Variants in EFCAB13 observed in about 807,000 individuals in gnomAD.
EFCAB13 encodes the protein EF-hand calcium binding domain 13.
A neutral mutation model predicts 110.2 loss-of-function variants in EFCAB13; 91 were observed. The observed-to-expected ratio is 0.83, with a 90% CI of 0.70 to 0.98. EFCAB13 has a LOEUF of 0.98. Among genes scored for constraint, EFCAB13 ranks in the 50% least tolerant of loss-of-function variants. The pLI is 0.00. For synonymous variants in EFCAB13, 323 were observed against 369.9 expected (o/e 0.87, Z 1.45); for missense variants, 968 against 1,119.4 (o/e 0.86, Z 1.93).
At chr17:47,341,117 G>A (rs2065382077) in intron 5 of EFCAB13, among the ~76,000 whole-genome samples, 1 of 151,994 alleles carries the variant, frequency 6.6e-6, no homozygotes, top group South Asian at 2.1e-4. Context: ...AATCCTGACT[G>A]TGGAAAATCT....
chr17:47,361,240 G>A (rs949282752), intron 9 of EFCAB13, 138 bp from the exon 10 acceptor site: 15 of 698,512 alleles, frequency 2.1e-5, no homozygotes, highest in Admixed American at 5.6e-5. Flanking sequence ...TATATCAGTG[G>A]TTTGCTTGTA....
chr17:47,403,875 T>G lies in EFCAB13; in HGVS notation c.2018-3T>G. 1 of 1,587,648 alleles carries G rather than the reference T, an allele frequency of 6.3e-7. No individual in the cohort carries two copies. The highest frequency in any genetic ancestry group is 8.5e-7 in the Non-Finnish European group (1 of 1,171,494). On this transcript the variant is annotated splice_region_variant and splice_polypyrimidine_tract_variant and intron_variant, in intron 18 of 24. Transcript: ENST00000331493. ...TATTAATTAACTTTTTTTCTATTTA[T>G]AGAGTTACAGGAAGTTGTCTTAGCT...
chr17:47,391,509 G>A lies in EFCAB13; in HGVS notation c.1655G>A (p.Cys552Tyr). ...GTGGATTATGAGGATCTAAATACTT[G>A]TCTTCAAAATTTTGGTATTTACCTT... ...KNVDYEDLNT[C>Y]LQNFGIYLSK... Residue 552 changes from cysteine to tyrosine, a missense_variant, in exon 15 of 25, where the codon TGT (cysteine) becomes TAT (tyrosine). Physicochemically the swap from Cys to Tyr is radical, Grantham distance 194. Transcript: ENST00000331493. 1.3e-6 allele frequency: 2 copies of A among 1,594,522 alleles called. No individual in the cohort carries two copies. The highest frequency in any genetic ancestry group is 8.5e-7 in the Non-Finnish European group (1 of 1,172,764).
chr17:47,368,310 A>T lies in EFCAB13; in HGVS notation c.806-2127A>T, dbSNP rs371806120. Among the ~76,000 whole-genome samples, 57 of 152,288 alleles carry T rather than the reference A, an allele frequency of 3.7e-4. 1 individual carries two copies. In the East Asian group the frequency reaches 6.6e-3, roughly 18 times the overall value. On this transcript the variant is annotated intron_variant, in intron 10 of 24. Transcript: ENST00000331493. ...GGCATATTGTGGAGGATATGGAGCA[A>T]AGAGGCATTTGGAACATTCGTGTCT...
intron 11 of EFCAB13, among the ~76,000 whole-genome samples, 168 bp downstream of exon 11, chr17:47,370,676 G>A (rs576962184): frequency 4.6e-5 from 7 of 151,116 alleles, no homozygotes; most frequent in African/African-American, 1.7e-4. Context: ...CTATTTACAT[G>A]TCCTCTTTTT....
Position 47,391,559 on chromosome 17 carries a change from A to G in EFCAB13, c.1705A>G (p.Thr569Ala), listed in dbSNP as rs1462940166. ...TTCTAAGCCAGAATTTAAGAAGATC[A>G]CAGAACTGACTGAAGCTGGTGGTGA... ...YLSKPEFKKI[T>A]ELTEAGETKK... is the part of the protein sequence containing the mutation. Residue 569 changes from threonine (T) to alanine (A), a missense_variant, in exon 15 of 25, where the codon ACA becomes GCA. Transcript: ENST00000331493. The G allele has an allele frequency of 6.3e-7, 1 of 1,583,952 alleles. No homozygotes were observed. Among genetic ancestry groups the G allele is most frequent in the East Asian group, 2.3e-5 (1 of 42,630 alleles).
chr17:47,334,457 TG>T (rs1337858168), intron 4 of EFCAB13, among the ~76,000 whole-genome samples: 10 of 152,368 alleles, frequency 6.6e-5, no homozygotes, highest in Admixed American at 3.3e-4. Context: ...AAGCTTTAAA[TG>T]AAGTTTAACT....
chr17:47,415,921 T>C (rs1306082431), intron 23 of EFCAB13, among the ~76,000 whole-genome samples: 1 of 152,034 alleles, frequency 6.6e-6, no homozygotes, highest in African/African-American at 2.4e-5. Flanking sequence ...GGGAGACCAT[T>C]TCAACACCAA....
intron 6 of EFCAB13, 70 bp from the exon 7 acceptor site, chr17:47,344,092 T>C (rs2065401182): frequency 5.3e-6 from 8 of 1,495,818 alleles, no homozygotes; most frequent in Non-Finnish European, 7.2e-6. Flanking sequence ...TTAAGAGTTG[T>C]ATCATCCAAG....
intron 9 of EFCAB13, among the ~76,000 whole-genome samples, chr17:47,351,302 TGTGCGCGCGCGCGCGC>T (rs968743397): frequency 3.3e-4 from 34 of 101,692 alleles, no homozygotes; most frequent in African/African-American, 8.4e-4. Flanking sequence ...TGTGTGTGTG[TGTGCGCGCGCGCGCGC>T]GCGCGCGCGC....
chr17:47,386,603 T>C (rs1297167172), intron 14 of EFCAB13, among the ~76,000 whole-genome samples: 1 of 152,136 alleles, frequency 6.6e-6, no homozygotes, highest in Non-Finnish European at 1.5e-5. Flanking sequence ...GCGAGACCAC[T>C]TGGCTCCCTG....
intron 10 of EFCAB13, among the ~76,000 whole-genome samples, chr17:47,362,678 A>G (rs1428530439): frequency 6.6e-6 from 1 of 152,158 alleles, no homozygotes; most frequent in Non-Finnish European, 1.5e-5. Flanking sequence ...CATCCTGTAC[A>G]CCTGGCTCTG....
intron 23 of EFCAB13, among the ~76,000 whole-genome samples, chr17:47,419,402 G>A (rs1402950950): frequency 6.6e-6 from 1 of 152,102 alleles, no homozygotes; most frequent in Non-Finnish European, 1.5e-5. Flanking sequence ...GGGCAACATG[G>A]CAAGACCCTG....
At chr17:47,368,215 T>C (rs1353771840) in intron 10 of EFCAB13, among the ~76,000 whole-genome samples, 2 of 152,174 alleles carry the variant, frequency 1.3e-5, no homozygotes, top group African/African-American at 2.4e-5. Flanking sequence ...GCAAATTATT[T>C]TGGAAGAGAA....
chr17:47,409,897 C>T (rs976073720), intron 21 of EFCAB13, among the ~76,000 whole-genome samples: 1 of 152,124 alleles, frequency 6.6e-6, no homozygotes, highest in African/African-American at 2.4e-5. Context: ...TTAAAATCCT[C>T]CATGCCCTAT....
At chr17:47,411,900 T>A (rs2065837320) in intron 21 of EFCAB13, among the ~76,000 whole-genome samples, 1 of 152,188 alleles carries the variant, frequency 6.6e-6, no homozygotes, top group Admixed American at 6.5e-5. Flanking sequence ...GAGACCAGTC[T>A]GGCCAACATG....
intron 5 of EFCAB13, among the ~76,000 whole-genome samples, chr17:47,337,070 T>G (rs2065355553): frequency 6.6e-6 from 1 of 152,192 alleles, no homozygotes; most frequent in Non-Finnish European, 1.5e-5. Context: ...TCTAACATTT[T>G]CACCACTACT....
chr17:47,439,185 T>TG (rs1905269341), intron 24 of EFCAB13, among the ~76,000 whole-genome samples: 1 of 140,092 alleles, frequency 7.1e-6, no homozygotes, highest in South Asian at 2.3e-4. Flanking sequence ...TTTTTTTTTT[T>TG]TTTTTTTTTT....
intron 21 of EFCAB13, among the ~76,000 whole-genome samples, chr17:47,412,474 A>G (rs1341054770): frequency 1.3e-5 from 2 of 152,250 alleles, no homozygotes; most frequent in Non-Finnish European, 2.9e-5. Flanking sequence ...TTAGATCTAC[A>G]TGTACAGGGA....
Sources: gnomAD v4.1 joint callset for allele counts (sites outside exome capture counted in the v4.1 genomes callset) on GRCh38, gnomAD v4.1.1 for gene constraint, MANE v1.5 for transcripts, NCBI Gene and HGNC (gene_info 2026-07-23, HGNC 2026-07-21) for gene names.